LRRC4C: variants seen among roughly 807,000 people sequenced by gnomAD.
LRRC4C encodes the protein leucine-rich repeat-containing protein 4C.
In LRRC4C, 5 loss-of-function variants were observed where a neutral mutation model predicts 33.6. The ratio of observed to expected loss-of-function variants is 0.15; its 90% confidence interval spans 0.08 to 0.31. The LOEUF (loss-of-function observed/expected upper bound fraction) is 0.31, where lower values mean the gene tolerates loss of function less well. LRRC4C is among the 10% of genes least tolerant of loss of function. The pLI, the probability that LRRC4C is intolerant of heterozygous loss-of-function variation, is 1.00. For synonymous variants in LRRC4C, 329 were observed against 302.0 expected, an observed-to-expected ratio of 1.09 and a Z score of -0.93; for missense variants, 560 against 796.7, an observed-to-expected ratio of 0.70 and a Z score of 3.58.
rs552402637 is a variant in LRRC4C at position 40,799,501 on chromosome 11, T to G, written c.-407+134134A>C. Among the ~76,000 whole-genome samples, 15 of 152,336 alleles carry G rather than the reference T, an allele frequency of 9.8e-5. 1 individual carries two copies. In the South Asian group the frequency reaches 2.9e-3, roughly 29 times the overall value. On this transcript the variant is annotated intron_variant, in intron 2 of 6. Transcript: ENST00000528697. Reference sequence around the variant, plus strand: ...AATACAGTCTCTTACTTTATTTATTTATTATTTTTTTGAGTCAGAGTCTCA... The same window carrying G: ...AATACAGTCTCTTACTTTATTTATTGATTATTTTTTTGAGTCAGAGTCTCA...
chr11:40,992,545 T>C lies in LRRC4C; in HGVS notation c.-495-58822A>G, dbSNP rs180939948. 3.2e-3 allele frequency among the ~76,000 whole-genome samples: 483 copies of C among 152,214 alleles called. 7 individuals carry two copies. In the South Asian group the frequency reaches 0.036, roughly 11 times the overall value. On this transcript the variant is annotated intron_variant, in intron 1 of 6. Coordinates refer to ENST00000528697, the MANE Select transcript of LRRC4C (RefSeq NM_001258419.2). Reference sequence around the variant, plus strand: ...TCCTGACCCTTATCAGATAGGTTTTTATCTGTTTGGCTGAATATATCCAGT... The same window carrying C: ...TCCTGACCCTTATCAGATAGGTTTTCATCTGTTTGGCTGAATATATCCAGT...
chr11:40,713,432 G>T (rs1208428268), intron 2 of LRRC4C, among the ~76,000 whole-genome samples: 1 of 152,106 alleles, frequency 6.6e-6, no homozygotes, highest in African/African-American at 2.4e-5. Context: ...TCTGTTATGT[G>T]GAAAACTCAG....
chr11:40,828,226 C>T (rs557671377), intron 2 of LRRC4C, among the ~76,000 whole-genome samples: 2 of 151,234 alleles, frequency 1.3e-5, no homozygotes, highest in Non-Finnish European at 3.0e-5. Flanking sequence ...ATATTATATA[C>T]ATACACATAT....
At chr11:40,136,309 C>G (rs1033516892) in intron 6 of LRRC4C, among the ~76,000 whole-genome samples, 9 of 152,052 alleles carry the variant, frequency 5.9e-5, no homozygotes, top group Admixed American at 2.6e-4. Flanking sequence ...CTCTGTCGCC[C>G]AGGCTGGAGT....
At chr11:40,679,277 A>C (rs1944561075) in intron 2 of LRRC4C, among the ~76,000 whole-genome samples, 1 of 152,052 alleles carries the variant, frequency 6.6e-6, no homozygotes, top group Admixed American at 6.6e-5. Context: ...TTTTTTTTAA[A>C]GGGAAACAGA....
intron 1 of LRRC4C, among the ~76,000 whole-genome samples, chr11:41,069,873 A>AT (rs1304154780): frequency 6.6e-6 from 1 of 152,226 alleles, no homozygotes; most frequent in Non-Finnish European, 1.5e-5. Context: ...TGCTATTTTC[A>AT]TTAAACTACC....
chr11:40,398,043 A>G (rs1415837874), intron 3 of LRRC4C, among the ~76,000 whole-genome samples: 3 of 152,026 alleles, frequency 2.0e-5, no homozygotes, highest in African/African-American at 2.4e-5. Context: ...TATAATAGGA[A>G]AAGATAATTT....
intron 3 of LRRC4C, among the ~76,000 whole-genome samples, chr11:40,565,903 T>C (rs760754532): frequency 1.3e-5 from 2 of 152,050 alleles, no homozygotes; most frequent in African/African-American, 2.4e-5. Context: ...ATAATTTGTC[T>C]AGTTAGAAAG....
chr11:41,372,930 C>T (rs1425207558), intron 1 of LRRC4C, among the ~76,000 whole-genome samples: 1 of 152,070 alleles, frequency 6.6e-6, no homozygotes, highest in African/African-American at 2.4e-5. Context: ...AGTTTAATCA[C>T]TAAACAGATT....
intron 2 of LRRC4C, among the ~76,000 whole-genome samples, chr11:40,827,913 A>G (rs547992911): frequency 1.3e-5 from 2 of 151,964 alleles, no homozygotes; most frequent in African/African-American, 4.8e-5. Context: ...GATCTTTTCT[A>G]GAAAAGACGA....
chr11:40,278,682 C>T (rs1029493910), intron 4 of LRRC4C, among the ~76,000 whole-genome samples: 3 of 152,136 alleles, frequency 2.0e-5, no homozygotes, highest in African/African-American at 7.2e-5. Context: ...TACCTATATA[C>T]AATGTAGCAT....
intron 2 of LRRC4C, among the ~76,000 whole-genome samples, chr11:40,775,911 G>A (rs1301553892): frequency 6.6e-6 from 1 of 152,126 alleles, no homozygotes; most frequent in African/African-American, 2.4e-5. Flanking sequence ...CTGTGGGTTT[G>A]TCATAGATGG....
chr11:40,924,496 G>C (rs1296770627), intron 2 of LRRC4C, among the ~76,000 whole-genome samples: 1 of 152,070 alleles, frequency 6.6e-6, no homozygotes, highest in Non-Finnish European at 1.5e-5. Flanking sequence ...GGTAAGGCTG[G>C]GCAGGGAGGG....
chr11:40,987,654 T>TATATATATATA (rs1565274524), intron 1 of LRRC4C, among the ~76,000 whole-genome samples: 3 of 24,880 alleles, frequency 1.2e-4, no homozygotes, highest in Admixed American at 3.6e-4. Flanking sequence ...TATATATATC[T>TATATATATATA]CATATATATG....
rs1952262818 is a variant in LRRC4C, at chr11:40,828,443, CAT to C, written c.-407+105190_-407+105191del. 7.9e-5 allele frequency among the ~76,000 whole-genome samples: 12 copies of C among 151,778 alleles called. No homozygotes were observed. The South Asian group carries it at 2.5e-3, about 31-fold the overall frequency. On this transcript the variant is annotated intron_variant, in intron 2 of 6. Transcript: ENST00000528697. ...TCAGACTAATGGAAACACATATTGA[CAT>C]ATTGTAGGAACAAATTCTTTATATA... is the stretch of plus-strand genomic sequence containing the variant.
At chr11:40,840,825 A>G (rs1952878752) in intron 2 of LRRC4C, among the ~76,000 whole-genome samples, 1 of 152,196 alleles carries the variant, frequency 6.6e-6, no homozygotes, top group African/African-American at 2.4e-5. Context: ...TTTTGTTAAG[A>G]TTTGTTAATA....
chr11:40,459,352 C>G (rs972673158), intron 3 of LRRC4C, among the ~76,000 whole-genome samples: 1 of 152,116 alleles, frequency 6.6e-6, no homozygotes, highest in Non-Finnish European at 1.5e-5. Context: ...GTACTCCTTC[C>G]CATTTGCCAG....
At chr11:40,638,113 T>G (rs532933583) in intron 3 of LRRC4C, among the ~76,000 whole-genome samples, 77 of 152,358 alleles carry the variant, frequency 5.1e-4, no homozygotes, top group African/African-American at 1.8e-3. Context: ...AAGCACTACC[T>G]GTTCCTTACC....
intron 1 of LRRC4C, among the ~76,000 whole-genome samples, chr11:41,052,205 C>T (rs1462217): frequency 6.6e-6 from 1 of 152,068 alleles, no homozygotes; most frequent in African/African-American, 2.4e-5. Context: ...GGATAGGGAA[C>T]AAATATTACT....
Sources: gnomAD v4.1 joint callset for allele counts (sites outside exome capture counted in the v4.1 genomes callset) on GRCh38, gnomAD v4.1.1 for gene constraint, MANE v1.5 for transcripts, NCBI Gene and HGNC (gene_info 2026-07-23, HGNC 2026-07-21) for gene names.